Variants in TRABD2B observed in about 807,000 individuals in gnomAD.
The protein encoded by TRABD2B is metalloprotease TIKI2.
A neutral mutation model predicts 40.1 loss-of-function variants in TRABD2B; 14 were observed. The ratio of observed to expected loss-of-function variants is 0.35; its 90% confidence interval spans 0.23 to 0.55. The LOEUF (loss-of-function observed/expected upper bound fraction) is 0.55. Among genes scored for constraint, TRABD2B ranks in the 20% least tolerant of loss-of-function variants. The probability of loss-of-function intolerance (pLI) is 0.90; values close to 1 mark genes in which losing one functional copy is unlikely to be tolerated. For synonymous variants in TRABD2B, 263 were observed against 277.0 expected, an observed-to-expected ratio of 0.95 and a Z score of 0.50; for missense variants, 541 against 648.6, an observed-to-expected ratio of 0.83 and a Z score of 1.80.
At chr1:47,918,435 C>G (rs574692024) in intron 2 of TRABD2B, among the ~76,000 whole-genome samples, 1 of 152,202 alleles carries the variant, frequency 6.6e-6, no homozygotes, top group Non-Finnish European at 1.5e-5. Flanking sequence ...GAGAAGAGAA[C>G]AGGCTCAGAG....
intron 2 of TRABD2B, among the ~76,000 whole-genome samples, chr1:47,903,669 G>T (rs997021760): frequency 1.3e-5 from 2 of 152,128 alleles, no homozygotes; most frequent in African/African-American, 4.8e-5. Flanking sequence ...TCCTGGGCAG[G>T]GGCAGTTAGA....
chr1:47,832,231 G>T (rs192358998), intron 2 of TRABD2B, among the ~76,000 whole-genome samples: 151 of 152,282 alleles, frequency 9.9e-4, no homozygotes, highest in African/African-American at 3.3e-3. Context: ...TACTTGGGAG[G>T]CTGAGGCAGG....
At position 47,994,737 on chromosome 1, in the gene TRABD2B, T is replaced by C; in HGVS notation, c.103-140A>G. Reference sequence around the variant, plus strand: ...AGGCCGTGGTAAAGAGCCAGGTCTTTGGAGCCTGAAAGACCCACATTGAAA... The same window carrying C: ...AGGCCGTGGTAAAGAGCCAGGTCTTCGGAGCCTGAAAGACCCACATTGAAA... On this transcript the variant is annotated intron_variant, in intron 1 of 6. Transcript: ENST00000606738. This position sits in a 1 kb window ranked among gnomAD's most constrained non-coding sequence, Gnocchi z 6.7. 1 of 743,080 alleles carries C rather than the reference T, an allele frequency of 1.3e-6. No homozygotes were observed. 46.0% of individuals were successfully genotyped at this position (743,080 alleles called of 1,614,324 possible).
rs201881656 is a variant in TRABD2B, at chr1:47,863,372, T to TTATATATATATATATATA, written c.667-61771_667-61754dup. ...ATAATTGGATATATCCTATATAATT[T>TTATATATATATATATATA]TATATATATATATATATATATAATC... On this transcript the variant is annotated intron_variant, in intron 2 of 6. Transcript: ENST00000606738. Among the ~76,000 whole-genome samples the TTATATATATATATATATA allele has an allele frequency of 8.4e-3, 557 of 66,378 alleles. 25 individuals carry two copies. Among genetic ancestry groups the TTATATATATATATATATA allele is most frequent in the African/African-American group, 0.022 (411 of 18,960 alleles). 43.5% of individuals were successfully genotyped at this position (66,378 alleles called of 152,430 possible). A position where few individuals can be genotyped will look rare whatever the true frequency, so the allele number is the denominator to read the frequency against.
At position 47,813,631 on chromosome 1, in the gene TRABD2B, C is replaced by T. The variant is rs183043913; in HGVS notation, c.667-12012G>A. ...CAAGTGGGGTGTATATTTGTCCTGC[C>T]TGCTTGAGACTAGCATTCTAAAAAC... On this transcript the variant is annotated intron_variant, in intron 2 of 6. Transcript: ENST00000606738. This position sits in a 1 kb window ranked among gnomAD's most constrained non-coding sequence, Gnocchi z 4.3. 6.6e-6 allele frequency among the ~76,000 whole-genome samples: 1 copy of T among 152,270 alleles called. No homozygotes were observed. The highest frequency in any genetic ancestry group is 1.5e-5 in the Non-Finnish European group (1 of 68,016).
At chr1:47,777,649 G>A (rs185943827) in intron 5 of TRABD2B, among the ~76,000 whole-genome samples, 27 of 152,310 alleles carry the variant, frequency 1.8e-4, no homozygotes, top group East Asian at 1.4e-3. Context: ...AGCCTGGTAC[G>A]GAGAGAGCAG....
At chr1:47,871,952 G>A (rs1025724292) in intron 2 of TRABD2B, among the ~76,000 whole-genome samples, 11 of 152,192 alleles carry the variant, frequency 7.2e-5, no homozygotes, top group African/African-American at 2.7e-4. Flanking sequence ...TCAGTGCACT[G>A]GTGCACTCCC....
rs1646068860 is a variant in TRABD2B at position 47,994,938 on chromosome 1, G to A, written c.103-341C>T. On this transcript the variant is annotated intron_variant, in intron 1 of 6. Coordinates refer to ENST00000606738, the MANE Select transcript of TRABD2B (RefSeq NM_001194986.2). The surrounding 1 kb of genome is among the most constrained non-coding windows in gnomAD (Gnocchi z 6.7). The stretch of plus-strand genomic sequence containing the variant: ...CAGAGCAGTGCCAGGTACAGAGGAA[G>A]TCAGCAATGAAGGGAAACTCTCATG... Among the ~76,000 whole-genome samples the A allele has an allele frequency of 6.6e-6, 1 of 152,182 alleles. No homozygotes were observed. Among genetic ancestry groups the A allele is most frequent in the African/African-American group, 2.4e-5 (1 of 41,446 alleles).
intron 4 of TRABD2B, among the ~76,000 whole-genome samples, chr1:47,791,496 C>T (rs574813009): frequency 1.3e-5 from 2 of 152,314 alleles, no homozygotes; most frequent in East Asian, 3.9e-4. Context: ...TCCTACATCC[C>T]ATAGCCTTGG....
chr1:47,975,806 T>C (rs752616531), intron 2 of TRABD2B, among the ~76,000 whole-genome samples: 13 of 152,016 alleles, frequency 8.6e-5, no homozygotes, highest in Non-Finnish European at 1.9e-4. Context: ...AGAAAACTGA[T>C]CATGGAAGTG....
intron 2 of TRABD2B, among the ~76,000 whole-genome samples, chr1:47,816,019 C>A (rs915062970): frequency 6.6e-6 from 1 of 152,170 alleles, no homozygotes; most frequent in African/African-American, 2.4e-5. Flanking sequence ...TTCCCTCCTT[C>A]CTGACACCAA....
intron 2 of TRABD2B, among the ~76,000 whole-genome samples, chr1:47,874,659 T>A (rs1029065511): frequency 2.6e-5 from 4 of 151,264 alleles, no homozygotes; most frequent in African/African-American, 7.3e-5. Flanking sequence ...CTTTGAACTC[T>A]TGGGCTCAAG....
At chr1:47,961,312 C>A (rs1377281931) in intron 2 of TRABD2B, among the ~76,000 whole-genome samples, 5 of 152,216 alleles carry the variant, frequency 3.3e-5, no homozygotes, top group African/African-American at 1.2e-4. Flanking sequence ...GCAAGGACTT[C>A]ATGACTAAAA....
intron 2 of TRABD2B, among the ~76,000 whole-genome samples, chr1:47,806,959 C>T (rs1277032907): frequency 6.6e-6 from 1 of 152,204 alleles, no homozygotes; most frequent in Non-Finnish European, 1.5e-5. Flanking sequence ...GGAATCACTG[C>T]AAAGGCCCCA....
At chr1:47,806,125 C>T (rs564604755) in intron 2 of TRABD2B, among the ~76,000 whole-genome samples, 3 of 152,350 alleles carry the variant, frequency 2.0e-5, no homozygotes, top group African/African-American at 7.2e-5. Context: ...GACTTCAGCG[C>T]GGTATGTGCT....
chr1:47,826,868 C>T (rs775690230), intron 2 of TRABD2B, among the ~76,000 whole-genome samples: 99 of 152,310 alleles, frequency 6.5e-4, no homozygotes, highest in African/African-American at 2.1e-3. Flanking sequence ...CTACTGCGCC[C>T]GGCCTAGGGA....
At chr1:47,909,514 AGGG>A (rs1363122412) in intron 2 of TRABD2B, among the ~76,000 whole-genome samples, 8 of 120,154 alleles carry the variant, frequency 6.7e-5, no homozygotes, top group South Asian at 3.0e-4. Flanking sequence ...GAGAAGGAGA[AGGG>A]GGAGGAGAAG....
chr1:47,836,443 C>T (rs1172841581), intron 2 of TRABD2B, among the ~76,000 whole-genome samples: 6 of 152,212 alleles, frequency 3.9e-5, no homozygotes, highest in Admixed American at 2.6e-4. Flanking sequence ...CTTCTCAGGG[C>T]CCCAGTTCCT....
chr1:47,967,412 C>T (rs1474974283), intron 2 of TRABD2B, among the ~76,000 whole-genome samples: 1 of 151,990 alleles, frequency 6.6e-6, no homozygotes, highest in Non-Finnish European at 1.5e-5. Context: ...TATCTAGCAA[C>T]TTCCCGTATC....
Sources: allele counts gnomAD v4.1 joint callset (sites outside exome capture counted in the v4.1 genomes callset), GRCh38; gene constraint gnomAD v4.1.1; non-coding constraint Gnocchi (gnomAD v3.1); transcripts MANE v1.5; gene names NCBI Gene and HGNC (gene_info 2026-07-23, HGNC 2026-07-21).